NMNAT3: variants seen among roughly 807,000 people sequenced by gnomAD.
The protein encoded by NMNAT3 is nicotinamide nucleotide adenylyltransferase 3, also known as nicotinamide/nicotinic acid mononucleotide adenylyltransferase 3.
NMNAT3 carries 21 observed loss-of-function variants against 24.8 expected under a neutral mutation model. The ratio of observed to expected loss-of-function variants is 0.85; its 90% CI spans 0.60 to 1.22. The LOEUF (loss-of-function observed/expected upper bound fraction) is 1.22. NMNAT3 is among the 50% of genes most tolerant of loss of function. The probability of loss-of-function intolerance (pLI) is 0.00; values close to 1 mark genes in which losing one functional copy is unlikely to be tolerated. For missense variants in NMNAT3, 387 were observed against 436.6 expected (o/e 0.89, Z 1.01); for synonymous variants, 136 against 155.2 (o/e 0.88, Z 0.92).
chr3:139,635,743 G>A (rs2056476049), intron 2 of NMNAT3: 1 of 152,196 alleles, frequency 6.6e-6, no homozygotes, highest in Middle Eastern at 3.2e-3. Context: ...GTTTGCTGGC[G>A]ACTCCTCAAT....
chr3:139,590,809 C>A (rs1396071456), intron 3 of NMNAT3, among the ~76,000 whole-genome samples: 1 of 152,028 alleles, frequency 6.6e-6, no homozygotes, highest in African/African-American at 2.4e-5. Context: ...TTATACTTTT[C>A]TTCAAACCAC....
At chr3:139,620,442 T>A (rs2055714852) in intron 3 of NMNAT3, among the ~76,000 whole-genome samples, 1 of 152,156 alleles carries the variant, frequency 6.6e-6, no homozygotes, top group Non-Finnish European at 1.5e-5. Context: ...CTCTTTTTGG[T>A]CTGACTTTTT....
In NMNAT3 at chr3:139,658,843, C is replaced by T. The variant is rs1489108216; in HGVS notation, c.-141+18862G>A. Among the ~76,000 whole-genome samples the T allele has an allele frequency of 1.4e-4, 22 of 151,832 alleles. 1 individual carries two copies. Among genetic ancestry groups the T allele is most frequent in the Non-Finnish European group, 3.2e-4 (22 of 68,006 alleles). ...CATCATGTAATAAATTTTAACAAATCATGCACCGTGTAACTCCAACCCCTC... is the reference window on the plus strand; with the variant it reads ...CATCATGTAATAAATTTTAACAAATTATGCACCGTGTAACTCCAACCCCTC... On this transcript the variant is annotated intron_variant, in intron 1 of 6. Coordinates refer to ENST00000643695, the MANE Select transcript of NMNAT3 (RefSeq NM_001320510.2).
At chr3:139,636,631 T>C (rs1320280244) in intron 2 of NMNAT3, 1 of 152,222 alleles carries the variant, frequency 6.6e-6, no homozygotes, top group African/African-American at 2.4e-5. Context: ...ATGGGTCTTT[T>C]CCAAATAACA....
intron 3 of NMNAT3, among the ~76,000 whole-genome samples, chr3:139,601,077 G>T (rs2054693143): frequency 6.6e-6 from 1 of 152,192 alleles, no homozygotes; most frequent in Non-Finnish European, 1.5e-5. Flanking sequence ...CAGGGAGCAG[G>T]CAGTGAGGAC....
intron 3 of NMNAT3, chr3:139,583,306 AATG>A (rs1300406373): frequency 1.5e-6 from 2 of 1,330,118 alleles, no homozygotes; most frequent in Admixed American, 1.7e-5. Flanking sequence ...TTGGATGTTT[AATG>A]ATGTCAATCT....
chr3:139,648,765 C>T (rs1275390942), intron 1 of NMNAT3, among the ~76,000 whole-genome samples: 1 of 152,188 alleles, frequency 6.6e-6, no homozygotes, highest in Admixed American at 6.5e-5. Context: ...GGAATGGTTA[C>T]ATTCCATGTA....
Position 139,656,566 on chromosome 3 carries a change from T to C in NMNAT3, c.-140-18504A>G, listed in dbSNP as rs1017402607. Among the ~76,000 whole-genome samples, 101 of 152,286 alleles carry C rather than the reference T, an allele frequency of 6.6e-4. 2 individuals are homozygous for C. The highest frequency in any genetic ancestry group is 2.4e-3 in the African/African-American group (98 of 41,572). On this transcript the variant is annotated intron_variant, in intron 1 of 6. Transcript: ENST00000643695. ...ACTTTGGGAGGCTGAGGCAGGCAGA[T>C]TGCTTGAGGTTAGGAGTTTGAGACC...
intron 3 of NMNAT3, among the ~76,000 whole-genome samples, chr3:139,604,925 G>A (rs1397402134): frequency 6.6e-6 from 1 of 152,200 alleles, no homozygotes; most frequent in Non-Finnish European, 1.5e-5. Flanking sequence ...TGGTGGCAGA[G>A]CAACAACCAC....
intron 1 of NMNAT3, among the ~76,000 whole-genome samples, chr3:139,661,334 G>A (rs1448263439): frequency 1.3e-5 from 2 of 152,094 alleles, no homozygotes; most frequent in Non-Finnish European, 2.9e-5. Flanking sequence ...TGTACTCAGT[G>A]ACTTTAAAAA....
intron 1 of NMNAT3, among the ~76,000 whole-genome samples, chr3:139,641,092 A>C (rs918556829): frequency 6.6e-6 from 1 of 152,212 alleles, no homozygotes; most frequent in Non-Finnish European, 1.5e-5. Flanking sequence ...TTATTGCTTC[A>C]GAATCCACAA....
chr3:139,625,231 G>T (rs1484601876), intron 3 of NMNAT3, among the ~76,000 whole-genome samples: 1 of 152,098 alleles, frequency 6.6e-6, no homozygotes, highest in Non-Finnish European at 1.5e-5. Flanking sequence ...GGTTACTATG[G>T]TTAAAGTATG....
At chr3:139,605,490 A>C (rs554617339) in intron 3 of NMNAT3, among the ~76,000 whole-genome samples, 8 of 152,252 alleles carry the variant, frequency 5.3e-5, no homozygotes, top group Admixed American at 5.2e-4. Context: ...GCTGAACTCA[A>C]AGATGCTTTT....
At chr3:139,631,351 C>A (rs1365900338) in intron 2 of NMNAT3, among the ~76,000 whole-genome samples, 2 of 152,140 alleles carry the variant, frequency 1.3e-5, no homozygotes, top group Non-Finnish European at 2.9e-5. Context: ...TCCAGGGATC[C>A]ACCAGGACAA....
At chr3:139,579,981 G>C (rs1396122435) in intron 4 of NMNAT3, among the ~76,000 whole-genome samples, 3 of 152,126 alleles carry the variant, frequency 2.0e-5, no homozygotes, top group Non-Finnish European at 4.4e-5. Context: ...ATTTGGCCAA[G>C]ATATATTACC....
At chr3:139,675,135 TACACACACACAC>T (rs148834873) in intron 1 of NMNAT3, among the ~76,000 whole-genome samples, 2 of 148,228 alleles carry the variant, frequency 1.3e-5, no homozygotes, top group Non-Finnish European at 3.0e-5. Context: ...CTTTTAAACA[TACACACACACAC>T]ACACACACAC....
chr3:139,581,821 C>T (rs2053631826), intron 4 of NMNAT3, among the ~76,000 whole-genome samples: 1 of 152,192 alleles, frequency 6.6e-6, no homozygotes, highest in African/African-American at 2.4e-5. Flanking sequence ...CGGCTGTACA[C>T]ATATGAGACA....
intron 4 of NMNAT3, among the ~76,000 whole-genome samples, chr3:139,582,287 G>T (rs2053672782): frequency 1.3e-5 from 2 of 151,588 alleles, no homozygotes; most frequent in African/African-American, 4.9e-5. Context: ...TTCACCATTG[G>T]GGTGTTTATA....
At chr3:139,566,321 AC>A (rs1250687326) in intron 6 of NMNAT3, 1 of 151,464 alleles carries the variant, frequency 6.6e-6, no homozygotes, top group Non-Finnish European at 1.5e-5. Flanking sequence ...TTACCTGTTC[AC>A]TCTGATGGTA....
Sources: allele counts gnomAD v4.1 joint callset (sites outside exome capture counted in the v4.1 genomes callset), GRCh38; gene constraint gnomAD v4.1.1; transcripts MANE v1.5; gene names NCBI Gene and HGNC (gene_info 2026-07-23, HGNC 2026-07-21).